The following AFG3L2 variants were observed in gnomAD, a reference collection of about 807,000 sequenced individuals.
AFG3L2 encodes the protein AFG3 like matrix AAA peptidase subunit 2.
A neutral mutation model predicts 94.5 loss-of-function variants in AFG3L2; 54 were observed. That is an observed-to-expected ratio of 0.57 (90% confidence interval 0.46 to 0.72). The LOEUF (loss-of-function observed/expected upper bound fraction) is 0.72. Ranked by LOEUF, AFG3L2 falls within the 30% of genes least tolerant of loss-of-function variation. The pLI is 0.00. For missense variants in AFG3L2, 754 were observed against 994.9 expected (o/e 0.76, Z 3.26); for synonymous variants, 377 against 365.5 (o/e 1.03, Z -0.36).
intron 12 of AFG3L2, among the ~76,000 whole-genome samples, chr18:12,350,282 A>G (rs1328795246): frequency 6.6e-6 from 1 of 152,210 alleles, no homozygotes. Context: ...AAGTGCTGGT[A>G]TTACAGGTGT....
chr18:12,371,052 C>A, intron 2 of AFG3L2, 126 bp from the exon 3 acceptor site: 1 of 584,892 alleles, frequency 1.7e-6, no homozygotes, highest in Non-Finnish European at 3.1e-6. Context: ...ATGGCTCATG[C>A]CTGTAATCCC....
intron 16 of AFG3L2, among the ~76,000 whole-genome samples, chr18:12,332,758 T>A (rs1022303824): frequency 6.7e-6 from 1 of 149,462 alleles, no homozygotes; most frequent in Non-Finnish European, 1.5e-5. Context: ...ATTTTAAAAA[T>A]ATATTGTCTG....
chr18:12,332,993 TAA>T (rs1189121477), intron 16 of AFG3L2, among the ~76,000 whole-genome samples: 2 of 114,176 alleles, frequency 1.8e-5, no homozygotes, highest in Non-Finnish European at 3.4e-5. Context: ...ATATATTATA[TAA>T]ATTATATATA....
At chr18:12,340,995 C>T (rs1907936045) in intron 14 of AFG3L2, 3 of 152,928 alleles carry the variant, frequency 2.0e-5, no homozygotes, top group Admixed American at 1.9e-4. Context: ...TGACTACAAG[C>T]AATTCCCCCA....
intron 8 of AFG3L2, among the ~76,000 whole-genome samples, chr18:12,358,317 C>G (rs571282120): frequency 6.6e-6 from 1 of 152,196 alleles, no homozygotes; most frequent in Non-Finnish European, 1.5e-5. Context: ...ATACATCCCT[C>G]GAAGGGACAC....
In AFG3L2 at chr18:12,345,846, C is replaced by T. The variant is rs142351097; in HGVS notation, c.1664-1599G>A. Among the ~76,000 whole-genome samples, 146 of 152,332 alleles carry T rather than the reference C, an allele frequency of 9.6e-4. 1 individual carries two copies. Among genetic ancestry groups the T allele is most frequent in the African/African-American group, 3.4e-3 (142 of 41,574 alleles). ...CACAACTCTTACCATCTGAGGTTTA[C>T]CTTTTCAATAACAAATTTATAGAAT... On this transcript the variant is annotated intron_variant, in intron 13 of 16. Transcript: ENST00000269143.
intron 10 of AFG3L2, 140 bp downstream of exon 10, chr18:12,352,865 G>A: frequency 8.7e-7 from 1 of 1,151,294 alleles, no homozygotes; most frequent in East Asian, 2.4e-5. Flanking sequence ...TGAGGCAGGA[G>A]GATCGCTTGA....
intron 1 of AFG3L2, among the ~76,000 whole-genome samples, chr18:12,372,130 C>G (rs1909011056): frequency 6.6e-6 from 1 of 151,976 alleles, no homozygotes; most frequent in African/African-American, 2.4e-5. Flanking sequence ...ATGGTGAAAC[C>G]CCGTCTCTAC....
At chr18:12,365,317 C>G (rs1193473353) in intron 5 of AFG3L2, among the ~76,000 whole-genome samples, 1 of 152,170 alleles carries the variant, frequency 6.6e-6, no homozygotes, top group Non-Finnish European at 1.5e-5. Flanking sequence ...CCATCCCAAT[C>G]AGAAGGACGG....
At chr18:12,364,551 T>C (rs1191820236) in intron 5 of AFG3L2, among the ~76,000 whole-genome samples, 1 of 152,214 alleles carries the variant, frequency 6.6e-6, no homozygotes, top group Non-Finnish European at 1.5e-5. Flanking sequence ...CTATAGGACA[T>C]AGCCTATCGC....
At chr18:12,351,461 A>G in intron 10 of AFG3L2, 48 bp from the exon 11 acceptor site, 1 of 1,515,812 alleles carries the variant, frequency 6.6e-7, no homozygotes, top group Non-Finnish European at 9.2e-7. Context: ...AAGAGGCAGA[A>G]AGCAACAGTG....
At chr18:12,356,940 A>G in intron 8 of AFG3L2, 109 bp from the exon 9 acceptor site, 2 of 1,051,258 alleles carry the variant, frequency 1.9e-6, no homozygotes, top group South Asian at 1.5e-5. Flanking sequence ...TTATTGATAT[A>G]TATTAAATAT....
rs1472526150 is a variant in AFG3L2 at position 12,376,949 on chromosome 18, G to A, written c.114+20C>T. ...GCCCGAGGCAGGGTGGAGGGCGCCGGGCGCCCAGGTAGGACTCACCGTCCG... is the reference window on the plus strand; with the variant it reads ...GCCCGAGGCAGGGTGGAGGGCGCCGAGCGCCCAGGTAGGACTCACCGTCCG... On this transcript the variant is annotated intron_variant, in intron 1 of 16. Coordinates refer to ENST00000269143, the MANE Select transcript of AFG3L2 (RefSeq NM_006796.3). The A allele has an allele frequency of 3.5e-6, 5 of 1,420,150 alleles. No individual in the cohort carries two copies. The highest frequency in any genetic ancestry group is 4.6e-6 in the Non-Finnish European group (5 of 1,088,246). 88.0% of individuals were successfully genotyped at this position (1,420,150 alleles called of 1,614,324 possible).
At chr18:12,376,899 G>A (rs1016717701) in intron 1 of AFG3L2, 70 bp downstream of exon 1, 9 of 1,211,736 alleles carry the variant, frequency 7.4e-6, no homozygotes, top group African/African-American at 3.2e-5. Context: ...TGACCTTGAC[G>A]TCCGCTCTCC....
intron 13 of AFG3L2, among the ~76,000 whole-genome samples, chr18:12,346,490 C>T (rs1267813353): frequency 1.3e-5 from 2 of 152,156 alleles, no homozygotes; most frequent in Non-Finnish European, 2.9e-5. Flanking sequence ...TTACGGCTGT[C>T]ACTGGTGCTC....
chr18:12,344,227 C>A lies in AFG3L2; in HGVS notation c.1684G>T (p.Val562Phe), dbSNP rs552006318. 6.2e-7 allele frequency: 1 copy of A among 1,614,188 alleles called. No individual in the cohort carries two copies. The highest frequency in any genetic ancestry group is 2.2e-5 in the East Asian group (1 of 44,890). Residue 562 changes from valine to phenylalanine, a missense_variant, in exon 14 of 17, where the codon GTT becomes TTT. Val to Phe is a conservative substitution (Grantham distance 50). Transcript: ENST00000269143. The part of the protein sequence containing the change: ...VIGGLEKKTQ[V>F]LQPEEKKTVA... The stretch of plus-strand genomic sequence containing the variant: ...GTCTTCTTCTCCTCAGGCTGCAGAA[C>A]CTGCGTTTTCTTCTCTAAGCCTAAC...
chr18:12,354,654 C>G (rs1042989884), intron 9 of AFG3L2, among the ~76,000 whole-genome samples: 1 of 152,216 alleles, frequency 6.6e-6, no homozygotes, highest in Non-Finnish European at 1.5e-5. Context: ...AAACCACCAT[C>G]TTCAAGTCAT....
At chr18:12,359,522 T>C (rs1908593049) in intron 7 of AFG3L2, among the ~76,000 whole-genome samples, 1 of 152,150 alleles carries the variant, frequency 6.6e-6, no homozygotes, top group Non-Finnish European at 1.5e-5. Flanking sequence ...GTGGATTACC[T>C]GAAGTCAGGA....
At chr18:12,374,996 C>A (rs1316600176) in intron 1 of AFG3L2, among the ~76,000 whole-genome samples, 2 of 149,186 alleles carry the variant, frequency 1.3e-5, no homozygotes, top group Non-Finnish European at 3.0e-5. Context: ...GCGAAGGTTG[C>A]AGTGACCCAA....
Sources: allele counts gnomAD v4.1 joint callset (sites outside exome capture counted in the v4.1 genomes callset), GRCh38; gene constraint gnomAD v4.1.1; transcripts MANE v1.5; gene names NCBI Gene and HGNC (gene_info 2026-07-23, HGNC 2026-07-21).